RACK1: variants seen among roughly 807,000 people sequenced by gnomAD.
RACK1 encodes the protein receptor for activated C kinase 1, also known as small ribosomal subunit protein RACK1.
A neutral mutation model predicts 42.2 loss-of-function variants in RACK1; 3 were observed. That is an observed-to-expected ratio of 0.07 (90% confidence interval 0.03 to 0.18). The LOEUF is 0.18. RACK1 is among the 10% of genes least tolerant of loss of function. The probability of loss-of-function intolerance (pLI) is 1.00; values close to 1 mark genes in which losing one functional copy is unlikely to be tolerated. For synonymous variants in RACK1, 181 were observed against 154.8 expected (o/e 1.17, Z -1.25); for missense variants, 146 against 403.2 (o/e 0.36, Z 5.46).
intron 4 of RACK1, 92 bp downstream of exon 4, chr5:181,239,395 G>T: frequency 1.1e-6 from 1 of 890,198 alleles, no homozygotes; most frequent in Non-Finnish European, 1.9e-6. Context: ...TCAACTGAGG[G>T]CATCTGCAAA....
At chr5:181,242,499 C>T in intron 1 of RACK1, 154 bp from the exon 2 acceptor site, 1 of 677,424 alleles carries the variant, frequency 1.5e-6, no homozygotes, top group Non-Finnish European at 2.7e-6. Flanking sequence ...CAGTTACAGA[C>T]CAGGACTGAG....
At chr5:181,237,116 GCT>G in intron 7 of RACK1, 74 bp from the exon 8 acceptor site, 1 of 1,598,006 alleles carries the variant, frequency 6.3e-7, no homozygotes, top group Non-Finnish European at 8.5e-7. Context: ...AGCCCAAGTG[GCT>G]TTTTTTGAGA....
chr5:181,237,384 T>C lies in RACK1; in HGVS notation c.888+225A>G, dbSNP rs143730784. The C allele has an allele frequency of 8.8e-4, 615 of 699,610 alleles. 3 individuals are homozygous for C. In the African/African-American group the frequency reaches 9.6e-3, roughly 11 times the overall value. 43.3% of individuals were successfully genotyped at this position (699,610 alleles called of 1,614,324 possible). A position where few individuals can be genotyped will look rare whatever the true frequency, so the allele number is the denominator to read the frequency against. ...TGAAAACTGGTCAGATTAATTAAGGTATTAATTGAAGGCTGACAGCCACTG... is the reference window on the plus strand; with the variant it reads ...TGAAAACTGGTCAGATTAATTAAGGCATTAATTGAAGGCTGACAGCCACTG... On this transcript the variant is annotated intron_variant, in intron 7 of 7. Transcript: ENST00000512805.
In RACK1 at chr5:181,236,911, GAAAAA is replaced by G; in HGVS notation, c.*61_*65del. 1 of 1,493,496 alleles carries G rather than the reference GAAAAA, an allele frequency of 6.7e-7. No individual in the cohort carries two copies. Among genetic ancestry groups the G allele is most frequent in the Non-Finnish European group, 8.9e-7 (1 of 1,119,696 alleles). The allele number at this position is 1,493,496 out of a possible 1,614,324, so 92.5% of individuals were successfully genotyped here. A position where few individuals can be genotyped will look rare whatever the true frequency, so the allele number is the denominator to read the frequency against. ...TAGAATGGAGCTTTTTTGCATATAA[GAAAAA>G]AAAACCTAAAAGTCAGAAAAGCCAG... On this transcript the variant is annotated 3_prime_UTR_variant, in exon 8 of 8. Transcript: ENST00000512805.
intron 3 of RACK1, chr5:181,241,083 C>A: frequency 6.1e-6 from 1 of 163,140 alleles, no homozygotes; most frequent in Non-Finnish European, 1.3e-5. Context: ...GAGATCACGC[C>A]ATTGTACTTC....
chr5:181,237,599 A>AC lies in RACK1; in HGVS notation c.888+9dup. On this transcript the variant is annotated intron_variant, in intron 7 of 7. Coordinates refer to ENST00000512805, the MANE Select transcript of RACK1 (RefSeq NM_006098.5). ...GAAGCAGAATCACCTGAGAGGACAGACCCACTTACCTGGCCATCAGCAGAC... is the reference window on the plus strand; with the variant it reads ...GAAGCAGAATCACCTGAGAGGACAGACCCCACTTACCTGGCCATCAGCAGAC... 2 of 1,430,448 alleles carry AC rather than the reference A, an allele frequency of 1.4e-6. No homozygotes were observed. Among genetic ancestry groups the AC allele is most frequent in the Admixed American group, 1.7e-5 (1 of 59,774 alleles). 88.6% of individuals were successfully genotyped at this position (1,430,448 alleles called of 1,614,324 possible).
Position 181,242,638 on chromosome 5 carries a change from A to G in RACK1, c.110-293T>C, listed in dbSNP as rs531332623. Reference sequence around the variant, plus strand: ...AGTGGCATGATCTCGGCTCACTCCAAACTCCACCTCCCGTGTTCAAGCAAT... The same window carrying G: ...AGTGGCATGATCTCGGCTCACTCCAGACTCCACCTCCCGTGTTCAAGCAAT... On this transcript the variant is annotated intron_variant, in intron 1 of 7. Transcript: ENST00000512805. The G allele has an allele frequency of 1.8e-3, 798 of 454,336 alleles. 19 individuals carry two copies. Among genetic ancestry groups the G allele is most frequent in the South Asian group, 0.012 (730 of 59,376 alleles). 28.1% of individuals were successfully genotyped at this position (454,336 alleles called of 1,614,324 possible).
chr5:181,239,351 C>T, intron 4 of RACK1, 136 bp downstream of exon 4: 1 of 781,004 alleles, frequency 1.3e-6, no homozygotes. Flanking sequence ...TGCTGACTTA[C>T]AAGGGACATC....
chr5:181,239,363 G>T, intron 4 of RACK1, 124 bp downstream of exon 4: 1 of 799,846 alleles, frequency 1.3e-6, no homozygotes. Context: ...AGGGACATCA[G>T]ACCATGTGAC....
chr5:181,242,497 G>C, intron 1 of RACK1, 152 bp from the exon 2 acceptor site: 1 of 676,724 alleles, frequency 1.5e-6, no homozygotes, highest in Non-Finnish European at 2.7e-6. Context: ...AGCAGTTACA[G>C]ACCAGGACTG....
At position 181,239,056 on chromosome 5, in the gene RACK1, T is replaced by TC; in HGVS notation, c.636+10dup. Reference sequence around the variant, plus strand: ...CTTCCACTGAGTAGGAGACGCCTTGTCCCCAAATACCTTGCCTCCAGAAGC... The same window carrying TC: ...CTTCCACTGAGTAGGAGACGCCTTGTCCCCCAAATACCTTGCCTCCAGAAGC... On this transcript the variant is annotated intron_variant, in intron 5 of 7. Coordinates refer to ENST00000512805, the MANE Select transcript of RACK1 (RefSeq NM_006098.5). 1 of 1,569,714 alleles carries TC rather than the reference T, an allele frequency of 6.4e-7. No individual in the cohort carries two copies. Among genetic ancestry groups the TC allele is most frequent in the Non-Finnish European group, 8.8e-7 (1 of 1,139,558 alleles).
At chr5:181,238,727 G>C in intron 5 of RACK1, 1 of 369,020 alleles carries the variant, frequency 2.7e-6, no homozygotes, top group Non-Finnish European at 5.2e-6. Context: ...GCTTGAACCC[G>C]GGAGATGGTT....
intron 7 of RACK1, 118 bp downstream of exon 7, chr5:181,237,486 GCTTGT>G: frequency 1.4e-6 from 1 of 694,432 alleles, no homozygotes; most frequent in Non-Finnish European, 2.6e-6. Flanking sequence ...CATCAACCTG[GCTTGT>G]CATTTCACTT....
intron 1 of RACK1, chr5:181,242,850 C>A (rs778647913): frequency 7.6e-5 from 25 of 328,790 alleles, no homozygotes; most frequent in Non-Finnish European, 1.4e-4. Flanking sequence ...TGAGCCACCG[C>A]GCCCAGCCTG....
rs1379442371 is a variant in RACK1, at chr5:181,239,122, T to C, written c.581A>G (p.Tyr194Cys). 1.2e-6 allele frequency: 2 copies of C among 1,613,958 alleles called. No individual in the cohort carries two copies. Among genetic ancestry groups the C allele is most frequent in the Non-Finnish European group, 1.7e-6 (2 of 1,179,972 alleles). ...TGGAGAGACAGTCACCGTGTTCAGA[T>C]AGCCTGTGTGGCCAATGTGGTTGGT... Reference protein sequence around the residue: ...LKTNHIGHTGYLNTVTVSPDG... With the variant: ...LKTNHIGHTGCLNTVTVSPDG... The change falls in exon 5 of 8, where the codon TAT becomes TGT. Residue 194 changes from tyrosine to cysteine, a missense_variant. Coordinates refer to ENST00000512805, the MANE Select transcript of RACK1 (RefSeq NM_006098.5).
At chr5:181,243,017 G>A (rs79126989) in intron 1 of RACK1, 15 of 347,566 alleles carry the variant, frequency 4.3e-5, no homozygotes, top group East Asian at 7.9e-5. Context: ...TCTGAGGGCC[G>A]ACAGAAATGT....
chr5:181,242,124 TCTGCC>T, intron 2 of RACK1, 45 bp downstream of exon 2: 1 of 1,541,348 alleles, frequency 6.5e-7, no homozygotes, highest in East Asian at 2.2e-5. Context: ...CCACCTCACT[TCTGCC>T]CAGATTCTTC....
In RACK1 at chr5:181,237,142, C is replaced by T. The variant is rs558707730; in HGVS notation, c.889-100G>A. ...CTTTTTTTGAGATCCGTCCACCTTGCTCCATTGTCTAGGCTGGAGTGCAGG... is the reference window on the plus strand; with the variant it reads ...CTTTTTTTGAGATCCGTCCACCTTGTTCCATTGTCTAGGCTGGAGTGCAGG... On this transcript the variant is annotated intron_variant, in intron 7 of 7. Transcript: ENST00000512805. The T allele has an allele frequency of 1.9e-6, 3 of 1,568,992 alleles. No homozygotes were observed. In the South Asian group the frequency reaches 3.5e-5, roughly 18 times the overall value.
chr5:181,237,645 G>A lies in RACK1; in HGVS notation c.852C>T (p.Pro284=). 1 of 1,610,796 alleles carries A rather than the reference G, an allele frequency of 6.2e-7. No individual in the cohort carries two copies. The highest frequency in any genetic ancestry group is 8.5e-7 in the Non-Finnish European group (1 of 1,176,966). The change falls in exon 7 of 8, where the codon CCC becomes CCT. Residue 284 remains proline (P), a synonymous_variant. Transcript: ENST00000512805. ...VISTSSKAEP[P]QCTSLAWSAD... is the part of the protein sequence containing the mutation. ...CAGACCAGGCCAGGGAGGTGCACTG[G>A]GGTGGTTCTGCCTTGCTGCTGGTAC...
Sources: allele counts gnomAD v4.1 joint callset, GRCh38; gene constraint gnomAD v4.1.1; transcripts MANE v1.5; gene names NCBI Gene and HGNC (gene_info 2026-07-23, HGNC 2026-07-21).